Variants in AKT3 observed in about 807,000 individuals in gnomAD.
AKT3 encodes RAC-gamma serine/threonine-protein kinase.
Under a neutral mutation model 65.3 loss-of-function variants are expected in AKT3, and 15 were observed. The ratio of observed to expected loss-of-function variants is 0.23; its 90% CI spans 0.15 to 0.35. The LOEUF is 0.35. Ranked by LOEUF, AKT3 falls within the 10% of genes least tolerant of loss-of-function variation. The pLI is 1.00. For missense variants in AKT3, 243 were observed against 576.5 expected, an observed-to-expected ratio of 0.42 and a Z score of 5.92; for synonymous variants, 206 against 183.8, an observed-to-expected ratio of 1.12 and a Z score of -0.98.
intron 13 of AKT3, chr1:243,489,020 G>A: frequency 1.2e-6 from 2 of 1,613,398 alleles, no homozygotes; most frequent in Non-Finnish European, 1.7e-6. Context: ...CCAGGCTAAG[G>A]CAGCTGGATA....
intron 8 of AKT3, among the ~76,000 whole-genome samples, chr1:243,593,097 C>T (rs1190762407): frequency 6.6e-6 from 1 of 152,140 alleles, no homozygotes; most frequent in Non-Finnish European, 1.5e-5. Flanking sequence ...AATTCCACCA[C>T]CCCTTTAAAG....
At chr1:243,687,617 T>G (rs1210970208) in intron 3 of AKT3, 1 of 152,086 alleles carries the variant, frequency 6.6e-6, no homozygotes, top group East Asian at 1.9e-4. Context: ...TTTTTCTGTT[T>G]TTTTTTTCTT....
At chr1:243,556,798 T>C (rs1239921850) in intron 10 of AKT3, among the ~76,000 whole-genome samples, 2 of 152,126 alleles carry the variant, frequency 1.3e-5, no homozygotes, top group East Asian at 3.8e-4. Flanking sequence ...ATCACAGGTA[T>C]GGGCTAAGAA....
intron 2 of AKT3, among the ~76,000 whole-genome samples, chr1:243,799,747 G>C (rs1315493767): frequency 6.6e-6 from 1 of 152,122 alleles, no homozygotes; most frequent in Non-Finnish European, 1.5e-5. Flanking sequence ...TTTTTTGAAA[G>C]TCTGATTTCT....
rs148776267 is a variant in AKT3, at chr1:243,696,333, T to C, written c.47-617A>G. ...ACGCAAACTCACACATACACAAACA[T>C]AGTAACTATTAATATATGGTACAGT... On this transcript the variant is annotated intron_variant, in intron 2 of 13. Coordinates refer to ENST00000673466, the MANE Select transcript of AKT3 (RefSeq NM_005465.7). Among the ~76,000 whole-genome samples, 561 of 152,042 alleles carry C rather than the reference T, an allele frequency of 3.7e-3. 5 individuals carry two copies. Among genetic ancestry groups the C allele is most frequent in the African/African-American group, 0.013 (546 of 41,498 alleles).
intron 13 of AKT3, chr1:243,489,248 A>G: frequency 2.1e-6 from 3 of 1,436,778 alleles, no homozygotes; most frequent in Non-Finnish European, 2.8e-6. Context: ...ATCGGTTAGC[A>G]GTAAGCTGGG....
chr1:243,685,993 C>T (rs1348537179), intron 3 of AKT3, among the ~76,000 whole-genome samples: 3 of 152,144 alleles, frequency 2.0e-5, no homozygotes, highest in Admixed American at 2.0e-4. Flanking sequence ...CATGAGTGAA[C>T]TCCTATTCAC....
chr1:243,551,073 C>A (rs1289746634), intron 11 of AKT3, among the ~76,000 whole-genome samples: 1 of 149,588 alleles, frequency 6.7e-6, no homozygotes, highest in Non-Finnish European at 1.5e-5. Context: ...AAACGGAACA[C>A]ATTTCAAAAC....
chr1:243,611,031 T>C (rs1445151979), intron 8 of AKT3, among the ~76,000 whole-genome samples: 1 of 152,208 alleles, frequency 6.6e-6, no homozygotes, highest in Non-Finnish European at 1.5e-5. Context: ...GTCTGTAGGA[T>C]AAATTCTTAG....
chr1:243,608,743 C>CTTTTTTTTTTTTTTTTTTTT (rs566574203), intron 8 of AKT3, among the ~76,000 whole-genome samples: 2 of 70,806 alleles, frequency 2.8e-5, no homozygotes, highest in African/African-American at 6.5e-5. Context: ...AAGTTTTTTG[C>CTTTTTTTTTTTTTTTTTTTT]TTTTTTTTTT....
In AKT3 at chr1:243,808,774, CAGAG is replaced by C. The variant is rs1441836456; in HGVS notation, c.46+34347_46+34350del. 5.3e-5 allele frequency among the ~76,000 whole-genome samples: 8 copies of C among 152,296 alleles called. No individual in the cohort carries two copies. The East Asian group carries it at 1.5e-3, about 29-fold the overall frequency. ...TGAAGGGAAAAATGTTAAGGGCAGCCAGAGAGAAAGGTCGGGTTACCCACAAAAG... is the reference window on the plus strand; with the variant it reads ...TGAAGGGAAAAATGTTAAGGGCAGCCAGAAAGGTCGGGTTACCCACAAAAG... On this transcript the variant is annotated intron_variant, in intron 2 of 13. Coordinates refer to ENST00000673466, the MANE Select transcript of AKT3 (RefSeq NM_005465.7).
intron 8 of AKT3, chr1:243,612,587 A>G (rs954663641): frequency 2.6e-5 from 4 of 155,690 alleles, no homozygotes; most frequent in African/African-American, 9.6e-5. Context: ...AAAGCCCACA[A>G]TAAAAATATT....
At chr1:243,842,448 T>C (rs1572442870) in intron 2 of AKT3, among the ~76,000 whole-genome samples, 1 of 152,234 alleles carries the variant, frequency 6.6e-6, no homozygotes. Context: ...ATCTCACAGA[T>C]GATAAACCGC....
intron 2 of AKT3, among the ~76,000 whole-genome samples, chr1:243,721,295 A>C (rs2148114610): frequency 6.6e-6 from 1 of 152,266 alleles, no homozygotes; most frequent in East Asian, 1.9e-4. Flanking sequence ...GGGAGGAAGA[A>C]ACATTACAAG....
intron 10 of AKT3, among the ~76,000 whole-genome samples, chr1:243,557,828 G>T (rs937428827): frequency 2.6e-5 from 4 of 152,028 alleles, no homozygotes; most frequent in East Asian, 1.9e-4. Flanking sequence ...CCCAGGTGGA[G>T]AGATATCATA....
At chr1:243,657,322 T>C (rs1270017695) in intron 4 of AKT3, among the ~76,000 whole-genome samples, 2 of 152,178 alleles carry the variant, frequency 1.3e-5, no homozygotes, top group African/African-American at 2.4e-5. Flanking sequence ...TAAATTTCTA[T>C]TGTTTATAAG....
chr1:243,661,288 T>C (rs531345554), intron 4 of AKT3, among the ~76,000 whole-genome samples: 2 of 152,118 alleles, frequency 1.3e-5, no homozygotes, highest in African/African-American at 2.4e-5. Flanking sequence ...GGAGGCATCA[T>C]GCTACCTGAC....
chr1:243,568,905 T>G (rs1186542765), intron 9 of AKT3, among the ~76,000 whole-genome samples: 2 of 152,150 alleles, frequency 1.3e-5, no homozygotes, highest in East Asian at 1.9e-4. Flanking sequence ...GACTAAATAT[T>G]TGAAAGTTTA....
At chr1:243,621,417 A>G (rs1468839246) in intron 6 of AKT3, among the ~76,000 whole-genome samples, 4 of 152,112 alleles carry the variant, frequency 2.6e-5, no homozygotes, top group African/African-American at 9.7e-5. Flanking sequence ...GTCTTTCCGC[A>G]GTCTCATTTG....
Sources: allele counts gnomAD v4.1 joint callset (sites outside exome capture counted in the v4.1 genomes callset), GRCh38; gene constraint gnomAD v4.1.1; transcripts MANE v1.5; gene names NCBI Gene and HGNC (gene_info 2026-07-23, HGNC 2026-07-21).